UMAD1: variants seen among roughly 807,000 people sequenced by gnomAD.
UMAD1 encodes UBAP1-MVB12-associated (UMA) domain containing 1.
In UMAD1, 8 loss-of-function variants were observed where a neutral mutation model predicts 6.1. That is an observed-to-expected ratio of 1.30 (90% confidence interval 0.76 to 2.35). UMAD1 has a LOEUF of 2.35. UMAD1 is among the 30% of genes most tolerant of loss of function. The pLI, the probability that UMAD1 is intolerant of heterozygous loss-of-function variation, is 0.00. For synonymous variants in UMAD1, 56 were observed against 31.4 expected (o/e 1.78, Z -2.61); for missense variants, 130 against 78.4 (o/e 1.66, Z -2.49).
At chr7:7,828,699 TCTC>T (rs748220680) in intron 3 of UMAD1, among the ~76,000 whole-genome samples, 5 of 152,138 alleles carry the variant, frequency 3.3e-5, no homozygotes, top group Non-Finnish European at 7.4e-5. Flanking sequence ...CATTTTTCCT[TCTC>T]CTTTTTGCCT....
intron 3 of UMAD1, among the ~76,000 whole-genome samples, chr7:7,824,919 C>G (rs1398206239): frequency 6.6e-6 from 1 of 152,066 alleles, no homozygotes; most frequent in Non-Finnish European, 1.5e-5. Flanking sequence ...GCTAGTCCAC[C>G]TATGCTGTTT....
At chr7:7,702,764 C>T (rs80195489) in intron 2 of UMAD1, among the ~76,000 whole-genome samples, 2,841 of 152,118 alleles carry the variant, frequency 0.019, 89 homozygotes, top group African/African-American at 0.065. Flanking sequence ...CAAGCCACTC[C>T]ATCTGCCAGT....
intron 2 of UMAD1, among the ~76,000 whole-genome samples, chr7:7,713,819 C>G (rs1780825441): frequency 6.6e-6 from 1 of 151,978 alleles, no homozygotes; most frequent in South Asian, 2.1e-4. Flanking sequence ...ACATTTTTCT[C>G]TTTTCAAAAA....
At chr7:7,678,221 CTT>C (rs1779797069) in intron 2 of UMAD1, among the ~76,000 whole-genome samples, 1 of 150,806 alleles carries the variant, frequency 6.6e-6, no homozygotes, top group Admixed American at 6.7e-5. Flanking sequence ...TATGAGGTCC[CTT>C]TTCTACACAT....
chr7:7,861,754 A>G lies in UMAD1; in HGVS notation c.157-15527A>G, dbSNP rs142167434. Among the ~76,000 whole-genome samples, 45 of 152,328 alleles carry G rather than the reference A, an allele frequency of 3.0e-4. 1 individual carries two copies. Among genetic ancestry groups the G allele is most frequent in the African/African-American group, 1.0e-3 (43 of 41,582 alleles). ...CAGAAAATAAGGCTTTTCTTCTCCAATATTTTCCCATTTCTTGAAGAATTA... is the reference window on the plus strand; with the variant it reads ...CAGAAAATAAGGCTTTTCTTCTCCAGTATTTTCCCATTTCTTGAAGAATTA... On this transcript the variant is annotated intron_variant, in intron 3 of 3. Transcript: ENST00000682710.
At chr7:7,729,734 G>A (rs1474368689) in intron 2 of UMAD1, among the ~76,000 whole-genome samples, 1 of 152,190 alleles carries the variant, frequency 6.6e-6, no homozygotes, top group Non-Finnish European at 1.5e-5. Flanking sequence ...CTTTGTCAGT[G>A]GAGCCAGCCA....
chr7:7,752,976 C>G (rs908979295), intron 2 of UMAD1, among the ~76,000 whole-genome samples: 5 of 152,050 alleles, frequency 3.3e-5, no homozygotes, highest in African/African-American at 1.2e-4. Flanking sequence ...TGGTTTTAAA[C>G]ATGAAAAAAT....
intron 2 of UMAD1, chr7:7,692,257 C>G (rs1563127373): frequency 6.6e-6 from 1 of 152,094 alleles, no homozygotes; most frequent in Non-Finnish European, 1.5e-5. Context: ...TAGTCCTCAC[C>G]AGGAAAATAA....
rs1029941843 is a variant in UMAD1, at chr7:7,713,896, C to T, written c.82+40443C>T. Among the ~76,000 whole-genome samples, 9 of 152,202 alleles carry T rather than the reference C, an allele frequency of 5.9e-5. No homozygotes were observed. The East Asian group carries it at 1.4e-3, about 23-fold the overall frequency. ...CCCAGGCTGGAGTGCAGTGGTGTGA[C>T]CACAGACAGCTCACTGCAGCCTCGA... On this transcript the variant is annotated intron_variant, in intron 2 of 3. Coordinates refer to ENST00000682710, the MANE Select transcript of UMAD1 (RefSeq NM_001302348.2).
intron 1 of UMAD1, among the ~76,000 whole-genome samples, chr7:7,664,469 G>A (rs12702633): frequency 3.3e-5 from 5 of 152,010 alleles, no homozygotes; most frequent in African/African-American, 9.7e-5. Flanking sequence ...CTTTCCTGAC[G>A]CTTACAACTC....
chr7:7,740,487 C>T lies in UMAD1; in HGVS notation c.83-61183C>T, dbSNP rs928820794. On this transcript the variant is annotated intron_variant, in intron 2 of 3. Coordinates refer to ENST00000682710, the MANE Select transcript of UMAD1 (RefSeq NM_001302348.2). ...AAGATTGACAAGTTTTCTATCAACT[C>T]TTAAAACATTCTTTTATTTGCCCTA... Among the ~76,000 whole-genome samples, 6 of 152,208 alleles carry T rather than the reference C, an allele frequency of 3.9e-5. No individual in the cohort carries two copies. In the South Asian group the frequency reaches 1.2e-3, roughly 31 times the overall value.
At chr7:7,675,762 T>G (rs193053418) in intron 2 of UMAD1, among the ~76,000 whole-genome samples, 2 of 152,272 alleles carry the variant, frequency 1.3e-5, no homozygotes, top group Non-Finnish European at 2.9e-5. Flanking sequence ...GAGGAATCAC[T>G]TCCGTCGTAG....
At chr7:7,793,876 A>G (rs947579957) in intron 2 of UMAD1, among the ~76,000 whole-genome samples, 1 of 152,234 alleles carries the variant, frequency 6.6e-6, no homozygotes, top group Non-Finnish European at 1.5e-5. Context: ...TGGTGTGTTA[A>G]TGAAGCTCTG....
At chr7:7,717,095 T>G (rs1780933407) in intron 2 of UMAD1, among the ~76,000 whole-genome samples, 1 of 150,552 alleles carries the variant, frequency 6.6e-6, no homozygotes, top group Non-Finnish European at 1.5e-5. Flanking sequence ...CTTGGTCTGT[T>G]GCCCAGGCTG....
intron 2 of UMAD1, among the ~76,000 whole-genome samples, chr7:7,727,242 C>T (rs1274361659): frequency 1.3e-5 from 2 of 152,158 alleles, no homozygotes; most frequent in Admixed American, 6.5e-5. Flanking sequence ...TTCATGTATA[C>T]ACTGTGTTAA....
intron 2 of UMAD1, among the ~76,000 whole-genome samples, chr7:7,722,220 ATTAG>A (rs572897817): frequency 2.2e-3 from 326 of 150,438 alleles, no homozygotes; most frequent in African/African-American, 7.6e-3. Context: ...GATATATACT[ATTAG>A]TTCTGTCCCT....
At chr7:7,671,382 G>A (rs567405080) in intron 1 of UMAD1, among the ~76,000 whole-genome samples, 7 of 152,198 alleles carry the variant, frequency 4.6e-5, no homozygotes, top group South Asian at 4.1e-4. Context: ...TTTCTGAACC[G>A]TTTTATCCCA....
At chr7:7,682,957 G>T (rs1374141204) in intron 2 of UMAD1, among the ~76,000 whole-genome samples, 1 of 152,188 alleles carries the variant, frequency 6.6e-6, no homozygotes, top group East Asian at 1.9e-4. Context: ...TGGTTTACCT[G>T]TTAATCTAGC....
intron 2 of UMAD1, among the ~76,000 whole-genome samples, chr7:7,727,890 T>C (rs1488797014): frequency 6.6e-5 from 10 of 152,186 alleles, no homozygotes; most frequent in Admixed American, 6.5e-4. Context: ...TCTTTATATA[T>C]GATTGTGTGA....
Sources: allele counts gnomAD v4.1 joint callset (sites outside exome capture counted in the v4.1 genomes callset), GRCh38; gene constraint gnomAD v4.1.1; transcripts MANE v1.5; gene names NCBI Gene and HGNC (gene_info 2026-07-23, HGNC 2026-07-21).